The following LRRTM4 variants were observed in gnomAD, a reference collection of about 807,000 sequenced individuals.
LRRTM4 encodes the protein leucine rich repeat transmembrane neuronal 4.
In LRRTM4, 25 loss-of-function variants were observed where a neutral mutation model predicts 47.6. That is an observed-to-expected ratio of 0.53 (90% CI 0.38 to 0.73). The LOEUF is 0.73. Among genes scored for constraint, LRRTM4 ranks in the 30% least tolerant of loss-of-function variants. LRRTM4 has a pLI of 0.00. For missense variants in LRRTM4, 638 were observed against 713.4 expected, an observed-to-expected ratio of 0.89 and a Z score of 1.20; for synonymous variants, 311 against 269.5, an observed-to-expected ratio of 1.15 and a Z score of -1.51.
intron 3 of LRRTM4, among the ~76,000 whole-genome samples, chr2:76,852,323 T>G (rs1258471109): frequency 6.6e-6 from 1 of 152,168 alleles, no homozygotes; most frequent in Non-Finnish European, 1.5e-5. Context: ...CGTACCATCC[T>G]TGAAGCCATC....
At chr2:76,829,182 C>A (rs1671266338) in intron 3 of LRRTM4, among the ~76,000 whole-genome samples, 1 of 151,872 alleles carries the variant, frequency 6.6e-6, no homozygotes, top group Non-Finnish European at 1.5e-5. Flanking sequence ...AGATTGGCCA[C>A]ACAGACTTAA....
At chr2:76,913,385 A>G (rs754977816) in intron 3 of LRRTM4, among the ~76,000 whole-genome samples, 2 of 151,558 alleles carry the variant, frequency 1.3e-5, no homozygotes, top group African/African-American at 2.4e-5. Context: ...AGGATGATTG[A>G]TATCTGTTCA....
intron 3 of LRRTM4, among the ~76,000 whole-genome samples, chr2:77,338,821 T>A (rs1171291112): frequency 1.3e-5 from 2 of 152,022 alleles, no homozygotes; most frequent in Non-Finnish European, 2.9e-5. Context: ...GCAGCACTAT[T>A]CACAATAGCA....
intron 3 of LRRTM4, among the ~76,000 whole-genome samples, chr2:77,495,510 G>A (rs751304490): frequency 6.6e-6 from 1 of 151,846 alleles, no homozygotes; most frequent in Non-Finnish European, 1.5e-5. Flanking sequence ...TTTTATTCTA[G>A]AATTTTTATG....
intron 3 of LRRTM4, among the ~76,000 whole-genome samples, chr2:76,983,091 A>G (rs1006168384): frequency 2.0e-5 from 3 of 152,070 alleles, no homozygotes; most frequent in Non-Finnish European, 2.9e-5. Context: ...ATTTTAAATA[A>G]TAGTTCACTT....
chr2:76,909,968 CCA>C (rs1417772517), intron 3 of LRRTM4, among the ~76,000 whole-genome samples: 1 of 152,260 alleles, frequency 6.6e-6, no homozygotes, highest in Non-Finnish European at 1.5e-5. Context: ...ACTAGAAATA[CCA>C]TTTGACCCAG....
intron 3 of LRRTM4, among the ~76,000 whole-genome samples, chr2:77,173,601 C>T (rs891504543): frequency 3.9e-5 from 6 of 152,150 alleles, no homozygotes; most frequent in South Asian, 2.1e-4. Context: ...TGTATACTGT[C>T]CTGTAGTGAC....
chr2:77,419,102 C>A lies in LRRTM4; in HGVS notation c.1551+99216G>T, dbSNP rs1674763454. On this transcript the variant is annotated intron_variant, in intron 3 of 3. Coordinates refer to ENST00000409884, the MANE Select transcript of LRRTM4 (RefSeq NM_001134745.3). ...AATAGTACACAATATATAGTAGACA[C>A]AATAAATATTTGTTGCATGAGTGAA... Among the ~76,000 whole-genome samples the A allele has an allele frequency of 2.0e-5, 3 of 152,174 alleles. No homozygotes were observed. The South Asian group carries it at 6.2e-4, about 31-fold the overall frequency.
rs921049314 is a variant in LRRTM4, at chr2:77,054,419, T to C, written c.1552-305503A>G. 6.6e-5 allele frequency among the ~76,000 whole-genome samples: 10 copies of C among 152,342 alleles called. 2 individuals carry two copies. In the Middle Eastern group the frequency reaches 0.02, roughly 311 times the overall value. Reference sequence around the variant, plus strand: ...TTCCAAATAACAAGAGGGAAGATGCTAGACAAATACTTCTCCACAATAAAA... The same window carrying C: ...TTCCAAATAACAAGAGGGAAGATGCCAGACAAATACTTCTCCACAATAAAA... On this transcript the variant is annotated intron_variant, in intron 3 of 3. Coordinates refer to ENST00000409884, the MANE Select transcript of LRRTM4 (RefSeq NM_001134745.3).
At chr2:76,853,921 T>C (rs924801242) in intron 3 of LRRTM4, among the ~76,000 whole-genome samples, 1 of 152,190 alleles carries the variant, frequency 6.6e-6, no homozygotes, top group African/African-American at 2.4e-5. Context: ...TTCCTCCCAG[T>C]TGTGGATATT....
intron 3 of LRRTM4, among the ~76,000 whole-genome samples, chr2:77,182,076 T>C (rs1673363043): frequency 6.6e-6 from 1 of 152,156 alleles, no homozygotes; most frequent in Non-Finnish European, 1.5e-5. Flanking sequence ...ACTGGGTATA[T>C]ACCCAAAGGA....
intron 3 of LRRTM4, among the ~76,000 whole-genome samples, chr2:77,513,289 G>A (rs1278916708): frequency 6.6e-6 from 1 of 152,110 alleles, no homozygotes; most frequent in African/African-American, 2.4e-5. Flanking sequence ...AATGTAAGTA[G>A]CTCAGTCTTT....
At chr2:76,959,613 C>T (rs1483963601) in intron 3 of LRRTM4, among the ~76,000 whole-genome samples, 2 of 151,678 alleles carry the variant, frequency 1.3e-5, no homozygotes, top group Admixed American at 6.6e-5. Context: ...ACAGCAAAGA[C>T]TTACTCCTAT....
intron 3 of LRRTM4, among the ~76,000 whole-genome samples, chr2:77,093,947 G>C (rs376363393): frequency 2.7e-5 from 4 of 150,212 alleles, no homozygotes; most frequent in South Asian, 2.1e-4. Context: ...GAACAAACCC[G>C]CTTTGACTGC....
At position 76,890,855 on chromosome 2, in the gene LRRTM4, G is replaced by A. The variant is rs1252355216; in HGVS notation, c.1552-141939C>T. ...TGGCGACTTGCATGCCAGAATAGAG[G>A]GTTAGACAGAGATGGTTTAGGAATA... On this transcript the variant is annotated intron_variant, in intron 3 of 3. Coordinates refer to ENST00000409884, the MANE Select transcript of LRRTM4 (RefSeq NM_001134745.3). Among the ~76,000 whole-genome samples the A allele has an allele frequency of 6.6e-5, 10 of 151,966 alleles. 1 individual carries two copies. The South Asian group carries it at 1.9e-3, about 28-fold the overall frequency.
intron 3 of LRRTM4, among the ~76,000 whole-genome samples, chr2:76,843,909 AT>A (rs60754198): frequency 3.0e-3 from 410 of 137,374 alleles, no homozygotes; most frequent in South Asian, 7.8e-3. Context: ...TTCTTTTTTC[AT>A]TTTTTTTTTT....
intron 3 of LRRTM4, among the ~76,000 whole-genome samples, chr2:77,039,897 T>C (rs1276017026): frequency 6.6e-6 from 1 of 151,120 alleles, no homozygotes; most frequent in Non-Finnish European, 1.5e-5. Flanking sequence ...CTTAGTAATT[T>C]TCTCATTAGT....
intron 3 of LRRTM4, among the ~76,000 whole-genome samples, chr2:77,028,377 G>C (rs1029118724): frequency 1.3e-5 from 2 of 152,158 alleles, no homozygotes; most frequent in African/African-American, 4.8e-5. Flanking sequence ...CAGGAAAAAT[G>C]TTGAGTTGAG....
intron 3 of LRRTM4, among the ~76,000 whole-genome samples, chr2:77,271,188 G>A (rs2119488): frequency 0.26 from 38,987 of 151,936 alleles, 6,285 homozygotes; most frequent in Admixed American, 0.37. Flanking sequence ...CTTCTTGGAC[G>A]CCAGACAAGA....
Sources: gnomAD v4.1 joint callset for allele counts (sites outside exome capture counted in the v4.1 genomes callset) on GRCh38, gnomAD v4.1.1 for gene constraint, MANE v1.5 for transcripts, NCBI Gene and HGNC (gene_info 2026-07-23, HGNC 2026-07-21) for gene names.